Variants in GRHL2 observed in about 807,000 individuals in gnomAD.
GRHL2 encodes grainyhead like transcription factor 2.
In GRHL2, 21 loss-of-function variants were observed where a neutral mutation model predicts 83.8. That is an observed-to-expected ratio of 0.25 (90% CI 0.18 to 0.36). GRHL2 has a LOEUF of 0.36. Among genes scored for constraint, GRHL2 ranks in the 10% least tolerant of loss-of-function variants. The pLI is 1.00. For missense variants in GRHL2, 623 were observed against 781.8 expected (o/e 0.80, Z 2.42); for synonymous variants, 280 against 278.9 (o/e 1.00, Z -0.04).
chr8:101,500,270 TAAC>T (rs376277907), intron 1 of GRHL2, among the ~76,000 whole-genome samples: 38 of 152,132 alleles, frequency 2.5e-4, no homozygotes, highest in Non-Finnish European at 4.4e-4. Context: ...GGTTGCTTAG[TAAC>T]AACAACATGT....
chr8:101,632,217 C>G lies in GRHL2; in HGVS notation c.1346-9C>G. On this transcript the variant is annotated splice_polypyrimidine_tract_variant and intron_variant, in intron 10 of 15. Coordinates refer to ENST00000646743, the MANE Select transcript of GRHL2 (RefSeq NM_024915.4). ...TCTCTCATTTATGAGTTTGTGTGATCCCATCCAGCCTCTGATGGGAAGTTG... is the reference window on the plus strand; with the variant it reads ...TCTCTCATTTATGAGTTTGTGTGATGCCATCCAGCCTCTGATGGGAAGTTG... 1 of 1,613,808 alleles carries G rather than the reference C, an allele frequency of 6.2e-7. No homozygotes were observed. The highest frequency in any genetic ancestry group is 8.5e-7 in the Non-Finnish European group (1 of 1,179,772).
At chr8:101,602,237 A>C in intron 8 of GRHL2, among the ~76,000 whole-genome samples, 1 of 152,268 alleles carries the variant, frequency 6.6e-6, no homozygotes, top group East Asian at 1.9e-4. Context: ...AGACTACAAA[A>C]GGCAAAATTG....
intron 8 of GRHL2, among the ~76,000 whole-genome samples, chr8:101,604,293 G>T (rs1216800378): frequency 6.6e-6 from 1 of 152,180 alleles, no homozygotes; most frequent in African/African-American, 2.4e-5. Context: ...TTATTAAAGG[G>T]CTGTGAGCTC....
rs563595202 is a variant in GRHL2, at chr8:101,655,201, G to A, written c.1698+5702G>A. ...CCAATCCTAAAAAAAAAAAAAAGAA[G>A]AAGGAAGTCTCCCTGTAAGAGTGAG... is the stretch of plus-strand genomic sequence containing the variant. On this transcript the variant is annotated intron_variant, in intron 14 of 15. Transcript: ENST00000646743. Among the ~76,000 whole-genome samples, 6 of 151,074 alleles carry A rather than the reference G, an allele frequency of 4.0e-5. No individual in the cohort carries two copies. In the South Asian group the frequency reaches 1.3e-3, roughly 32 times the overall value.
chr8:101,663,029 T>C, intron 14 of GRHL2, among the ~76,000 whole-genome samples: 1 of 152,212 alleles, frequency 6.6e-6, no homozygotes, highest in East Asian at 1.9e-4. Context: ...GTGTGAATTA[T>C]CAAAATGTGT....
chr8:101,646,624 G>A (rs1415176984), intron 13 of GRHL2, among the ~76,000 whole-genome samples: 1 of 152,218 alleles, frequency 6.6e-6, no homozygotes, highest in East Asian at 1.9e-4. Flanking sequence ...TTATTTGTTA[G>A]AAGTTCTCCA....
chr8:101,598,721 A>G (rs1444833942), intron 7 of GRHL2, among the ~76,000 whole-genome samples: 3 of 151,784 alleles, frequency 2.0e-5, no homozygotes, highest in East Asian at 1.9e-4. Flanking sequence ...CAGAAAAGTG[A>G]GCAGGAGGGA....
chr8:101,632,196 T>C, intron 10 of GRHL2, 30 bp from the exon 11 acceptor site: 1 of 1,613,488 alleles, frequency 6.2e-7, no homozygotes, highest in Non-Finnish European at 8.5e-7. Context: ...TATGACTCTC[T>C]CATTTATGAG....
At chr8:101,632,938 T>C (rs978772740) in intron 11 of GRHL2, among the ~76,000 whole-genome samples, 1 of 152,216 alleles carries the variant, frequency 6.6e-6, no homozygotes, top group Admixed American at 6.5e-5. Flanking sequence ...AACATAAATG[T>C]CCAATAATTA....
At chr8:101,625,889 G>A (rs1180132675) in intron 9 of GRHL2, among the ~76,000 whole-genome samples, 5 of 151,970 alleles carry the variant, frequency 3.3e-5, no homozygotes, top group Non-Finnish European at 5.9e-5. Context: ...TTAAGGGTTG[G>A]AGTCGGGGAT....
intron 8 of GRHL2, 81 bp from the exon 9 acceptor site, chr8:101,619,458 G>A: frequency 7.8e-7 from 1 of 1,277,370 alleles, no homozygotes; most frequent in Non-Finnish European, 1.1e-6. Context: ...TTAGTATTTT[G>A]ACTTAAAGTC....
At chr8:101,675,325 A>C in the GRHL2 span, among the ~76,000 whole-genome samples, 1 of 152,122 alleles carries the variant, frequency 6.6e-6, no homozygotes, top group Non-Finnish European at 1.5e-5. Flanking sequence ...GTCTCAGCTC[A>C]AAATCTCCTA....
intron 1 of GRHL2, among the ~76,000 whole-genome samples, chr8:101,497,876 G>T (rs1431607633): frequency 1.3e-5 from 2 of 152,160 alleles, no homozygotes; most frequent in African/African-American, 4.8e-5. Context: ...TTTTAACATG[G>T]ATATAAGACT....
At chr8:101,642,382 T>C (rs1255510839) in intron 12 of GRHL2, among the ~76,000 whole-genome samples, 1 of 152,248 alleles carries the variant, frequency 6.6e-6, no homozygotes, top group African/African-American at 2.4e-5. Context: ...TAAATCTTGC[T>C]TGGTGAAAAA....
rs886387670 is a variant in GRHL2, at chr8:101,606,095, T to C, written c.1098+6944T>C. On this transcript the variant is annotated intron_variant, in intron 8 of 15. Transcript: ENST00000646743. ...GAATGAGGATTATGATCAGAGAAGA[T>C]GAAGCTTGCAGGAGGCATACAGTGA... is the stretch of plus-strand genomic sequence containing the variant. Among the ~76,000 whole-genome samples the C allele has an allele frequency of 2.6e-5, 4 of 152,340 alleles. No individual in the cohort carries two copies. The East Asian group carries it at 7.7e-4, about 29-fold the overall frequency.
At chr8:101,621,860 G>A (rs1812972318) in intron 9 of GRHL2, among the ~76,000 whole-genome samples, 1 of 151,732 alleles carries the variant, frequency 6.6e-6, no homozygotes, top group African/African-American at 2.4e-5. Flanking sequence ...CTCCAGCCTG[G>A]GTGACACAGC....
chr8:101,531,600 T>G (rs1810931178), intron 1 of GRHL2, among the ~76,000 whole-genome samples: 1 of 152,160 alleles, frequency 6.6e-6, no homozygotes, highest in Non-Finnish European at 1.5e-5. Flanking sequence ...CCAATTTTAG[T>G]CATTTCATAA....
At chr8:101,647,395 G>C (rs1813533148) in intron 13 of GRHL2, among the ~76,000 whole-genome samples, 1 of 135,602 alleles carries the variant, frequency 7.4e-6, no homozygotes, top group Non-Finnish European at 1.5e-5. Flanking sequence ...GGGTCAGCCT[G>C]CTGGAAATTC....
intron 14 of GRHL2, among the ~76,000 whole-genome samples, chr8:101,656,187 A>C (rs561517607): frequency 1.3e-5 from 2 of 152,218 alleles, no homozygotes; most frequent in African/African-American, 2.4e-5. Flanking sequence ...TGTCAAGTTC[A>C]TGAGATCAGG....
Sources: allele counts gnomAD v4.1 joint callset (sites outside exome capture counted in the v4.1 genomes callset), GRCh38; gene constraint gnomAD v4.1.1; transcripts MANE v1.5; gene names NCBI Gene and HGNC (gene_info 2026-07-23, HGNC 2026-07-21).